Variants in NSUN7 observed in about 807,000 individuals in gnomAD.
NSUN7 encodes the protein NOP2/Sun RNA methyltransferase family member 7.
In NSUN7, 39 loss-of-function variants were observed where a neutral mutation model predicts 58.5. The observed-to-expected ratio is 0.67, with a 90% CI of 0.52 to 0.87. The LOEUF is 0.87. Ranked by LOEUF, NSUN7 falls within the 40% of genes least tolerant of loss-of-function variation. The probability of loss-of-function intolerance (pLI) is 0.00; values close to 1 mark genes in which losing one functional copy is unlikely to be tolerated. For missense variants in NSUN7, 765 were observed against 844.1 expected (o/e 0.91, Z 1.16); for synonymous variants, 278 against 303.7 (o/e 0.92, Z 0.88).
At chr4:40,769,183 C>G (rs1377607818) in intron 4 of NSUN7, among the ~76,000 whole-genome samples, 3 of 152,198 alleles carry the variant, frequency 2.0e-5, no homozygotes, top group Admixed American at 6.5e-5. Flanking sequence ...TAATCTATCA[C>G]TTGGACTACC....
At chr4:40,792,644 G>A (rs996816700) in intron 8 of NSUN7, among the ~76,000 whole-genome samples, 5 of 152,106 alleles carry the variant, frequency 3.3e-5, no homozygotes, top group Non-Finnish European at 5.9e-5. Context: ...CCAGCTACTC[G>A]GGAGGCTGAG....
intron 4 of NSUN7, among the ~76,000 whole-genome samples, chr4:40,764,200 T>C (rs981128589): frequency 6.7e-6 from 1 of 149,662 alleles, no homozygotes; most frequent in African/African-American, 2.5e-5. Context: ...TAGCATTAGG[T>C]ATATCTCCTA....
intron 8 of NSUN7, among the ~76,000 whole-genome samples, chr4:40,792,743 C>T (rs931131898): frequency 2.1e-5 from 3 of 141,022 alleles, no homozygotes; most frequent in East Asian, 2.0e-4. Flanking sequence ...CAGCAAGACT[C>T]CATCTCATTT....
At position 40,807,165 on chromosome 4, in the gene NSUN7, T is replaced by C. The variant is rs1336645226; in HGVS notation, c.1505T>C (p.Leu502Pro). 1 of 1,547,076 alleles carries C rather than the reference T, an allele frequency of 6.5e-7. No homozygotes were observed. Among genetic ancestry groups the C allele is most frequent in the African/African-American group, 1.4e-5 (1 of 72,204 alleles). ...TCTGAAATTACCAATGGTTGTTTTC[T>C]TTCTATTTTAACAAGGGAGGTAAGG... Reference protein sequence around the residue: ...EPSEITNGCFLSILTRERDPS... With the variant: ...EPSEITNGCFPSILTRERDPS... Residue 502 changes from leucine to proline, a missense_variant, in exon 11 of 12, where the codon CTT becomes CCT. By Grantham distance (98) the Leu-to-Pro change is moderately conservative. Coordinates refer to ENST00000381782, the MANE Select transcript of NSUN7 (RefSeq NM_024677.6).
At chr4:40,774,547 T>C in intron 5 of NSUN7, 130 bp downstream of exon 5, 1 of 901,994 alleles carries the variant, frequency 1.1e-6, no homozygotes, top group South Asian at 1.7e-5. Context: ...CAGAGTTAAG[T>C]TCCAGAGCTT....
intron 9 of NSUN7, among the ~76,000 whole-genome samples, chr4:40,795,611 G>T (rs1743288899): frequency 6.6e-6 from 1 of 152,178 alleles, no homozygotes; most frequent in Non-Finnish European, 1.5e-5. Flanking sequence ...GATTATGGCA[G>T]TTTATGTTAC....
chr4:40,791,398 G>A (rs1285325775), intron 8 of NSUN7, among the ~76,000 whole-genome samples: 1 of 152,148 alleles, frequency 6.6e-6, no homozygotes, highest in Non-Finnish European at 1.5e-5. Flanking sequence ...GATTATTTCA[G>A]TAAGTCTTCA....
Position 40,750,697 on chromosome 4 carries a change from C to T in NSUN7, c.4C>T (p.Leu2=), listed in dbSNP as rs1316425745. M[L]NSTGELEFSN... is the part of the protein sequence containing the mutation. ...TCACGACAGGCGAGGGGCAGACATGCTGAATTCCACGGGCGAACTGGAGTT... is the reference window on the plus strand; with the variant it reads ...TCACGACAGGCGAGGGGCAGACATGTTGAATTCCACGGGCGAACTGGAGTT... Residue 2 remains leucine (L), a synonymous_variant, in exon 2 of 12, where the codon CTG becomes TTG. Transcript: ENST00000381782. The T allele has an allele frequency of 1.9e-6, 3 of 1,612,762 alleles. No individual in the cohort carries two copies.
rs1004410392 is a variant in NSUN7, at chr4:40,807,139, A to C, written c.1479A>C (p.Pro493=). The C allele has an allele frequency of 4.5e-6, 7 of 1,550,576 alleles. No homozygotes were observed. The highest frequency in any genetic ancestry group is 6.1e-6 in the Non-Finnish European group (7 of 1,146,268). Residue 493 remains proline (P), a synonymous_variant, in exon 11 of 12, where the codon CCA becomes CCC. Transcript: ENST00000381782. ...CTGATAAATTTTTCAGAATGGAACC[A>C]TCTGAAATTACCAATGGTTGTTTTC... ...LSTDKFFRME[P]SEITNGCFLS...
intron 7 of NSUN7, among the ~76,000 whole-genome samples, chr4:40,782,547 CAA>C (rs78502337): frequency 1.2e-3 from 142 of 118,450 alleles, no homozygotes; most frequent in Admixed American, 2.5e-3. Context: ...CACCCTGTCT[CAA>C]AAAAAAAAAA....
intron 10 of NSUN7, among the ~76,000 whole-genome samples, chr4:40,801,269 T>C (rs1260840653): frequency 6.6e-6 from 1 of 152,108 alleles, no homozygotes; most frequent in Non-Finnish European, 1.5e-5. Context: ...GGGAGAAGGG[T>C]ATTGTGAATG....
At chr4:40,804,196 T>C (rs1490301578) in intron 10 of NSUN7, among the ~76,000 whole-genome samples, 1 of 152,036 alleles carries the variant, frequency 6.6e-6, no homozygotes, top group Non-Finnish European at 1.5e-5. Flanking sequence ...TCCCAGCACT[T>C]TGGGAGGCTG....
intron 4 of NSUN7, among the ~76,000 whole-genome samples, chr4:40,765,048 G>A (rs1196416095): frequency 8.8e-5 from 13 of 147,960 alleles, no homozygotes; most frequent in African/African-American, 3.2e-4. Context: ...CACTCTGATG[G>A]TATTTTCTTT....
In NSUN7 at chr4:40,774,315, A is replaced by G. The variant is rs1560552405; in HGVS notation, c.539A>G (p.Asp180Gly). 1 of 1,614,098 alleles carries G rather than the reference A, an allele frequency of 6.2e-7. No individual in the cohort carries two copies. The highest frequency in any genetic ancestry group is 1.1e-5 in the South Asian group (1 of 91,082). The change falls in exon 5 of 12, where the codon GAT becomes GGT. Residue 180 changes from aspartate (D) to glycine (G), a missense_variant. Asp to Gly is a moderately conservative substitution (Grantham distance 94, BLOSUM62 -1). Transcript: ENST00000381782. ...TTGGCAAGATGTCGAATCAAGCATG[A>G]TGCCCTTTCAATTTACCACATCCTT... is the stretch of plus-strand genomic sequence containing the variant. The part of the protein sequence containing the change: ...AALARCRIKH[D>G]ALSIYHILPE...
In NSUN7 at chr4:40,809,034, C is replaced by G; in HGVS notation, c.*95C>G. 7.8e-7 allele frequency: 1 copy of G among 1,286,756 alleles called. No homozygotes were observed. Among genetic ancestry groups the G allele is most frequent in the Non-Finnish European group, 1.0e-6 (1 of 966,274 alleles). 79.7% of individuals were successfully genotyped at this position (1,286,756 alleles called of 1,614,324 possible). The stretch of plus-strand genomic sequence containing the variant: ...ATTCTACATCTCTACACAAGATATT[C>G]ATTCTTTTGGTCACCTAGGGATCTT... On this transcript the variant is annotated 3_prime_UTR_variant, in exon 12 of 12. Coordinates refer to ENST00000381782, the MANE Select transcript of NSUN7 (RefSeq NM_024677.6).
rs191477211 is a variant in NSUN7, at chr4:40,797,006, A to G, written c.1283-1781A>G. ...CTGAAACGGTCCTGTGAAGATCGCC[A>G]GTGATCCCCATGCTGTTGTGTCAGT... On this transcript the variant is annotated intron_variant, in intron 9 of 11. Transcript: ENST00000381782. Among the ~76,000 whole-genome samples, 34 of 152,192 alleles carry G rather than the reference A, an allele frequency of 2.2e-4. No homozygotes were observed. In the East Asian group the frequency reaches 6.0e-3, roughly 27 times the overall value.
intron 11 of NSUN7, 138 bp from the exon 12 acceptor site, chr4:40,808,169 A>C: frequency 6.4e-6 from 6 of 931,170 alleles, no homozygotes; most frequent in Non-Finnish European, 9.3e-6. Context: ...ATTGGGGACT[A>C]AGGCCTAAAA....
At chr4:40,753,767 G>A (rs769708967) in intron 2 of NSUN7, among the ~76,000 whole-genome samples, 2 of 152,194 alleles carry the variant, frequency 1.3e-5, no homozygotes, top group African/African-American at 2.4e-5. Context: ...GGGACCTGGC[G>A]GGAGGTAATG....
At chr4:40,800,899 A>T (rs1743550856) in intron 10 of NSUN7, among the ~76,000 whole-genome samples, 1 of 152,136 alleles carries the variant, frequency 6.6e-6, no homozygotes, top group Non-Finnish European at 1.5e-5. Flanking sequence ...TTGTCAGAAA[A>T]GGTCTGACTT....
Sources: gnomAD v4.1 joint callset for allele counts (sites outside exome capture counted in the v4.1 genomes callset) on GRCh38, gnomAD v4.1.1 for gene constraint, MANE v1.5 for transcripts, NCBI Gene and HGNC (gene_info 2026-07-23, HGNC 2026-07-21) for gene names.